Variants in PTBP2 observed in about 807,000 individuals in gnomAD.
PTBP2 encodes the protein polypyrimidine tract binding protein 2, also known as polypyrimidine tract-binding protein 2.
In PTBP2, 13 loss-of-function variants were observed where a neutral mutation model predicts 61.4. The ratio of observed to expected loss-of-function variants is 0.21; its 90% CI spans 0.14 to 0.34. The LOEUF is 0.34. Among genes scored for constraint, PTBP2 ranks in the 10% least tolerant of loss-of-function variants. The pLI is 1.00. For missense variants in PTBP2, 405 were observed against 642.6 expected (o/e 0.63, Z 4.00); for synonymous variants, 215 against 218.5 (o/e 0.98, Z 0.14).
intron 3 of PTBP2, among the ~76,000 whole-genome samples, chr1:96,763,127 C>T (rs187884540): frequency 0.082 from 12,387 of 151,738 alleles, 563 homozygotes; most frequent in African/African-American, 0.1. Flanking sequence ...CCTCACGTTC[C>T]AGACGATGGG....
chr1:96,748,756 C>T lies in PTBP2; in HGVS notation c.40-2669C>T, dbSNP rs151296068. Among the ~76,000 whole-genome samples, 349 of 152,284 alleles carry T rather than the reference C, an allele frequency of 2.3e-3. 2 individuals are homozygous for T. Among genetic ancestry groups the T allele is most frequent in the African/African-American group, 7.9e-3 (328 of 41,560 alleles). On this transcript the variant is annotated intron_variant, in intron 2 of 13. Transcript: ENST00000674951. Reference sequence around the variant, plus strand: ...ATTAATGTGGGGCAGTCATCAATCACTACCATTGATCATTTATTTCATATA... The same window carrying T: ...ATTAATGTGGGGCAGTCATCAATCATTACCATTGATCATTTATTTCATATA...
intron 2 of PTBP2, among the ~76,000 whole-genome samples, chr1:96,746,653 A>G (rs1395779573): frequency 2.0e-5 from 3 of 146,450 alleles, no homozygotes; most frequent in African/African-American, 7.6e-5. Flanking sequence ...GCAGTGAGCT[A>G]TGATCGTTCC....
At chr1:96,770,568 A>T in intron 4 of PTBP2, 140 bp from the exon 5 acceptor site, 1 of 804,618 alleles carries the variant, frequency 1.2e-6, no homozygotes, top group Non-Finnish European at 1.9e-6. Flanking sequence ...AGAGATTTCT[A>T]ATTCTGCTTA....
intron 1 of PTBP2, among the ~76,000 whole-genome samples, chr1:96,722,908 C>A (rs1409557781): frequency 5.3e-5 from 8 of 152,088 alleles, no homozygotes; most frequent in Non-Finnish European, 1.0e-4. Flanking sequence ...CGCTTAAGGT[C>A]AAAAATACAG....
chr1:96,742,391 T>A (rs1415540972), intron 2 of PTBP2, among the ~76,000 whole-genome samples: 3 of 152,190 alleles, frequency 2.0e-5, no homozygotes, highest in Non-Finnish European at 1.5e-5. Context: ...CCTAGAAAAC[T>A]GTTTTATTGA....
At chr1:96,779,304 A>G (rs1570919232) in intron 7 of PTBP2, among the ~76,000 whole-genome samples, 1 of 152,090 alleles carries the variant, frequency 6.6e-6, no homozygotes, top group Non-Finnish European at 1.5e-5. Context: ...CATTTTTCAC[A>G]ACTTCAAACG....
chr1:96,782,984 G>A (rs970813421), intron 7 of PTBP2, among the ~76,000 whole-genome samples: 3 of 151,760 alleles, frequency 2.0e-5, no homozygotes, highest in African/African-American at 7.3e-5. Context: ...CCTTCACTGT[G>A]AGTAGGCACA....
downstream of PTBP2, chr1:96,818,257 G>C (rs1160392917): frequency 6.6e-6 from 1 of 151,888 alleles, no homozygotes; most frequent in Non-Finnish European, 1.5e-5. Flanking sequence ...TTTTGAATCA[G>C]AAAATTTTAA....
chr1:96,734,733 C>A (rs1402299435), intron 2 of PTBP2, among the ~76,000 whole-genome samples: 3 of 151,630 alleles, frequency 2.0e-5, no homozygotes, highest in Non-Finnish European at 2.9e-5. Context: ...TAGAGACTTG[C>A]TCAGGGTCTC....
In PTBP2 at chr1:96,750,810, T is replaced by C. The variant is rs560074081; in HGVS notation, c.40-615T>C. Among the ~76,000 whole-genome samples, 4 of 152,260 alleles carry C rather than the reference T, an allele frequency of 2.6e-5. No individual in the cohort carries two copies. The East Asian group carries it at 7.7e-4, about 29-fold the overall frequency. On this transcript the variant is annotated intron_variant, in intron 2 of 13. Transcript: ENST00000674951. The stretch of plus-strand genomic sequence containing the variant: ...TAACATTTTCAAAATAGCTAAAATG[T>C]CACTGGCTGGTTTGAACAACTGTGC...
chr1:96,806,502 C>T, intron 10 of PTBP2, 50 bp downstream of exon 10: 1 of 1,541,522 alleles, frequency 6.5e-7, no homozygotes, highest in Non-Finnish European at 9.0e-7. Flanking sequence ...ATTTTTGTTT[C>T]ACCTTAATTC....
intron 2 of PTBP2, among the ~76,000 whole-genome samples, chr1:96,728,567 T>TA (rs1650918633): frequency 6.6e-6 from 1 of 152,234 alleles, no homozygotes; most frequent in African/African-American, 2.4e-5. Context: ...GCTGGAAACA[T>TA]ACTGTCTTAA....
rs66475516 is a variant in PTBP2, at chr1:96,813,661, C to CTTTTTTTTT, written c.*269_*277dup. 33 of 120,682 alleles carry CTTTTTTTTT rather than the reference C, an allele frequency of 2.7e-4. No homozygotes were observed. The highest frequency in any genetic ancestry group is 3.4e-4 in the Non-Finnish European group (22 of 65,510). The allele number at this position is 120,682 out of a possible 1,614,324, so 7.5% of individuals were successfully genotyped here. Reference sequence around the variant, plus strand: ...TGTTTAAAATTTCAGTTTAATTTTGCTTTTTTTTTTTTTTTTTTTTTCCTT... The same window carrying CTTTTTTTTT: ...TGTTTAAAATTTCAGTTTAATTTTGCTTTTTTTTTTTTTTTTTTTTTTTTTTTTTTCCTT... On this transcript the variant is annotated 3_prime_UTR_variant, in exon 14 of 14. Transcript: ENST00000674951.
At chr1:96,740,941 C>T (rs79398687) in intron 2 of PTBP2, among the ~76,000 whole-genome samples, 281 of 151,800 alleles carry the variant, frequency 1.9e-3, no homozygotes, top group African/African-American at 6.6e-3. Context: ...CATATTCTAA[C>T]GTGTTAATAT....
At chr1:96,809,903 A>T (rs1172182659) in intron 11 of PTBP2, among the ~76,000 whole-genome samples, 1 of 152,186 alleles carries the variant, frequency 6.6e-6, no homozygotes, top group Non-Finnish European at 1.5e-5. Flanking sequence ...ACTGGAAATC[A>T]ATGGTATAAA....
chr1:96,818,504 TTTC>T (rs1249506370), downstream of PTBP2: 1 of 152,068 alleles, frequency 6.6e-6, no homozygotes, highest in Non-Finnish European at 1.5e-5. Flanking sequence ...CAATACTACT[TTTC>T]TTCAAATCCT....
intron 2 of PTBP2, among the ~76,000 whole-genome samples, chr1:96,747,062 G>A (rs1653939058): frequency 6.6e-6 from 1 of 151,494 alleles, no homozygotes. Context: ...GTACCCAACA[G>A]TTAGATTTAC....
chr1:96,813,098 G>A lies in PTBP2; in HGVS notation c.1458G>A (p.Lys486=), dbSNP rs754617142. 6.2e-7 allele frequency: 1 copy of A among 1,609,694 alleles called. No individual in the cohort carries two copies. The highest frequency in any genetic ancestry group is 8.5e-7 in the Non-Finnish European group (1 of 1,177,328). Residue 486 remains lysine (K), a synonymous_variant, in exon 13 of 14, where the codon AAG becomes AAA. Transcript: ENST00000674951. The stretch of plus-strand genomic sequence containing the variant: ...CTGGGGGCACTGTGAAAGCATTTAA[G>A]TTTTTTCAGTAAGCAAGCTTCCTTA... The part of the protein sequence containing the change: ...ANTGGTVKAF[K]FFQDHKMALL...
intron 8 of PTBP2, among the ~76,000 whole-genome samples, chr1:96,795,802 G>T (rs987432887): frequency 3.3e-5 from 5 of 152,236 alleles, no homozygotes; most frequent in African/African-American, 7.2e-5. Flanking sequence ...AGGACCCAGT[G>T]GGGGGAGTGT....
Sources: allele counts gnomAD v4.1 joint callset (sites outside exome capture counted in the v4.1 genomes callset), GRCh38; gene constraint gnomAD v4.1.1; transcripts MANE v1.5; gene names NCBI Gene and HGNC (gene_info 2026-07-23, HGNC 2026-07-21).